The following LRPPRC variants were observed in gnomAD, a reference collection of about 807,000 sequenced individuals.
LRPPRC encodes the protein leucine-rich PPR motif-containing protein, mitochondrial.
A neutral mutation model predicts 180.3 loss-of-function variants in LRPPRC; 120 were observed. That is an observed-to-expected ratio of 0.67 (90% CI 0.57 to 0.77). The LOEUF (loss-of-function observed/expected upper bound fraction) is 0.77. Among genes scored for constraint, LRPPRC ranks in the 30% least tolerant of loss-of-function variants. The pLI is 0.00. For missense variants in LRPPRC, 2,012 were observed against 1,657.2 expected (o/e 1.21, Z -3.72); for synonymous variants, 723 against 600.0 (o/e 1.21, Z -3.00).
At chr2:43,992,982 G>A (rs940870687) in intron 1 of LRPPRC, among the ~76,000 whole-genome samples, 3 of 152,142 alleles carry the variant, frequency 2.0e-5, no homozygotes, top group African/African-American at 4.8e-5. Flanking sequence ...GAAGGACCAC[G>A]AGTAAAACTA....
At chr2:43,988,056 C>A (rs1231253283) in intron 1 of LRPPRC, among the ~76,000 whole-genome samples, 4 of 151,948 alleles carry the variant, frequency 2.6e-5, no homozygotes, top group Non-Finnish European at 5.9e-5. Flanking sequence ...GCCCGGCCAA[C>A]ATGTGAAACC....
chr2:43,970,039 T>A (rs1056684977), intron 11 of LRPPRC, among the ~76,000 whole-genome samples: 17 of 152,172 alleles, frequency 1.1e-4, no homozygotes, highest in Admixed American at 7.9e-4. Context: ...AATACTGTAA[T>A]AATACATAAT....
chr2:43,936,035 A>G (rs1672265512), intron 23 of LRPPRC, among the ~76,000 whole-genome samples: 1 of 152,142 alleles, frequency 6.6e-6, no homozygotes, highest in African/African-American at 2.4e-5. Flanking sequence ...GTGAGCTGAG[A>G]TCGTGCCATT....
intron 30 of LRPPRC, among the ~76,000 whole-genome samples, chr2:43,908,686 T>C (rs1200331798): frequency 1.3e-5 from 2 of 152,088 alleles, no homozygotes; most frequent in African/African-American, 4.8e-5. Flanking sequence ...CCACCACGCC[T>C]GACTAATTTT....
chr2:43,918,129 C>G lies in LRPPRC; in HGVS notation c.3044G>C (p.Trp1015Ser), dbSNP rs148112476. Residue 1015 changes from tryptophan to serine, a missense_variant, in exon 29 of 38, where the codon TGG becomes TCG. Trp to Ser is a radical substitution (Grantham distance 177, BLOSUM62 -3). Transcript: ENST00000260665. ...QEVPFDVPELWYEDEKHSLNS... is the reference protein window; with the variant it reads ...QEVPFDVPELSYEDEKHSLNS... Reference sequence around the variant, plus strand: ...CAGGGAATGTTTTTCATCTTCATACCACAACTTTAAAACAAAGTTATTCTG... The same window carrying G: ...CAGGGAATGTTTTTCATCTTCATACGACAACTTTAAAACAAAGTTATTCTG... 29 of 1,612,506 alleles carry G rather than the reference C, an allele frequency of 1.8e-5. No individual in the cohort carries two copies. The African/African-American group carries it at 3.7e-4, about 21-fold the overall frequency.
Position 43,946,152 on chromosome 2 carries a change from T to C in LRPPRC, c.2171A>G (p.His724Arg). The change falls in exon 21 of 38, where the codon CAT (histidine) becomes CGT (arginine). Residue 724 changes from histidine (H) to arginine (R), a missense_variant. Transcript: ENST00000260665. ...GTTCAAGGCATCTTCTACTTTATCA[T>C]GTCGACAGCATAAATTTATTAAAGC... Reference protein sequence around the residue: ...YAALINLCCRHDKVEDALNLK... With the variant: ...YAALINLCCRRDKVEDALNLK... The C allele has an allele frequency of 6.2e-7, 1 of 1,612,530 alleles. No individual in the cohort carries two copies. The highest frequency in any genetic ancestry group is 8.5e-7 in the Non-Finnish European group (1 of 1,178,738).
At chr2:43,904,177 AG>A (rs1172111361) in intron 31 of LRPPRC, among the ~76,000 whole-genome samples, 1 of 152,108 alleles carries the variant, frequency 6.6e-6, no homozygotes, top group Non-Finnish European at 1.5e-5. Flanking sequence ...CCTGGACTCA[AG>A]CAATCCTCCT....
rs555933598 is a variant in LRPPRC at position 43,978,910 on chromosome 2, A to G, written c.469+916T>C. Among the ~76,000 whole-genome samples, 94 of 152,196 alleles carry G rather than the reference A, an allele frequency of 6.2e-4. 1 individual carries two copies. Among genetic ancestry groups the G allele is most frequent in the African/African-American group, 2.1e-3 (89 of 41,566 alleles). The stretch of plus-strand genomic sequence containing the variant: ...TTAGTGAGTCCAGCTAATTACTGTG[A>G]GCTGATTTTCTGGGATTTTGCAGAT... On this transcript the variant is annotated intron_variant, in intron 3 of 37. Transcript: ENST00000260665.
At chr2:43,945,440 T>C (rs373002529) in intron 21 of LRPPRC, 23 bp from the exon 22 acceptor site, 30 of 1,438,652 alleles carry the variant, frequency 2.1e-5, no homozygotes, top group Non-Finnish European at 2.8e-5. Flanking sequence ...GCCACATTTA[T>C]ATTGTTTTAA....
At chr2:43,920,079 T>TAAA (rs1023425078) in intron 27 of LRPPRC, among the ~76,000 whole-genome samples, 2 of 79,460 alleles carry the variant, frequency 2.5e-5, no homozygotes, top group Non-Finnish European at 4.7e-5. Flanking sequence ...ATCAGCAATT[T>TAAA]AAAAAAAAAA....
Position 43,963,405 on chromosome 2 carries a change from T to C in LRPPRC, c.1488+183A>G, listed in dbSNP as rs1405763899. 7.2e-5 allele frequency: 46 copies of C among 638,428 alleles called. No homozygotes were observed. In the East Asian group the frequency reaches 7.6e-4, roughly 11 times the overall value. 39.5% of individuals were successfully genotyped at this position (638,428 alleles called of 1,614,324 possible). ...GTTGCAGTGAGCCAAGATTGTGCCA[T>C]TGCACTCCTGCCTGGGCAATGAGAG... On this transcript the variant is annotated intron_variant, in intron 12 of 37. Transcript: ENST00000260665.
chr2:43,990,281 A>T (rs2103775280), intron 1 of LRPPRC, among the ~76,000 whole-genome samples: 1 of 152,086 alleles, frequency 6.6e-6, no homozygotes, highest in African/African-American at 2.4e-5. Flanking sequence ...TAATCCCCAA[A>T]TCTACTTTTC....
At chr2:43,898,299 G>A (rs1670761096) in intron 34 of LRPPRC, among the ~76,000 whole-genome samples, 1 of 152,112 alleles carries the variant, frequency 6.6e-6, no homozygotes, top group Admixed American at 6.6e-5. Context: ...AATAAAAACT[G>A]GAGGTCAAGC....
At chr2:43,977,394 C>G (rs1032784448) in intron 3 of LRPPRC, 118 bp from the exon 4 acceptor site, 38 of 765,748 alleles carry the variant, frequency 5.0e-5, no homozygotes, top group Non-Finnish European at 7.7e-5. Context: ...TTCACCCATC[C>G]ATCTTGGCGC....
intron 27 of LRPPRC, among the ~76,000 whole-genome samples, chr2:43,921,100 T>G (rs1165813003): frequency 6.6e-6 from 1 of 152,134 alleles, no homozygotes; most frequent in Non-Finnish European, 1.5e-5. Context: ...GAGACCAGCC[T>G]GGACAACATG....
At chr2:43,905,482 T>C (rs995143389) in intron 31 of LRPPRC, among the ~76,000 whole-genome samples, 1 of 152,232 alleles carries the variant, frequency 6.6e-6, no homozygotes. Flanking sequence ...GAATGGAAAC[T>C]GGACTAAGTG....
At chr2:43,939,308 AAC>A (rs1016423038) in intron 23 of LRPPRC, among the ~76,000 whole-genome samples, 11 of 133,220 alleles carry the variant, frequency 8.3e-5, no homozygotes, top group Non-Finnish European at 1.8e-4. Context: ...TAAAAATAAA[AAC>A]AACAACAACA....
chr2:43,915,344 TAGTGTGTACTCAA>T (rs1355783117), intron 29 of LRPPRC, among the ~76,000 whole-genome samples: 2 of 151,604 alleles, frequency 1.3e-5, no homozygotes, highest in African/African-American at 2.4e-5. Context: ...CAAAGATGCA[TAGTGTGTACTCAA>T]AGATATATAG....
Position 43,901,500 on chromosome 2 carries a change from A to G in LRPPRC, c.3389T>C (p.Val1130Ala). 2 of 1,613,670 alleles carry G rather than the reference A, an allele frequency of 1.2e-6. No individual in the cohort carries two copies. Residue 1130 changes from valine (V) to alanine (A), a missense_variant, in exon 32 of 38, where the codon GTA (valine) becomes GCA (alanine). Val to Ala is a moderately conservative substitution (Grantham distance 64). Transcript: ENST00000260665. ...AGAAGGGGTCTGCTGCTGATCCAAT[A>G]CTGTTTTCAGTGTTGTCACAGCCTC... is the stretch of plus-strand genomic sequence containing the variant. Reference protein sequence around the residue: ...LKEAVTTLKTVLDQQQTPSRL... With the variant: ...LKEAVTTLKTALDQQQTPSRL...
Sources: allele counts gnomAD v4.1 joint callset (sites outside exome capture counted in the v4.1 genomes callset), GRCh38; gene constraint gnomAD v4.1.1; transcripts MANE v1.5; gene names NCBI Gene and HGNC (gene_info 2026-07-23, HGNC 2026-07-21).